PTPRD: variants seen among roughly 807,000 people sequenced by gnomAD.
The protein encoded by PTPRD is receptor-type tyrosine-protein phosphatase delta.
In PTPRD, 34 loss-of-function variants were observed where a neutral mutation model predicts 214.5. The observed-to-expected ratio is 0.16, with a 90% CI of 0.12 to 0.21. PTPRD has a LOEUF of 0.21. PTPRD is among the 10% of genes least tolerant of loss of function. The probability of loss-of-function intolerance (pLI) is 1.00; values close to 1 mark genes in which losing one functional copy is unlikely to be tolerated. For synonymous variants in PTPRD, 1,128 were observed against 845.7 expected, an observed-to-expected ratio of 1.33 and a Z score of -5.79; for missense variants, 2,545 against 2,398.7, an observed-to-expected ratio of 1.06 and a Z score of -1.27.
chr9:8,655,475 C>T (rs78836571), intron 12 of PTPRD, among the ~76,000 whole-genome samples: 3,403 of 152,216 alleles, frequency 0.022, 111 homozygotes, highest in African/African-American at 0.077. Context: ...AAAGCATTTT[C>T]TGGAAATAGT....
At position 8,376,618 on chromosome 9, in the gene PTPRD, C is replaced by T. The variant is rs147772738; in HGVS notation, c.4495G>A (p.Ala1499Thr). Residue 1499 changes from alanine (A) to threonine (T), a missense_variant, in exon 38 of 46, where the codon GCA becomes ACA. Coordinates refer to ENST00000381196, the MANE Select transcript of PTPRD (RefSeq NM_002839.4). ...ELATYCVRTF[A>T]LYKNGSSEKR... Reference sequence around the variant, plus strand: ...GATGAAAAGCAAACCTTGTAAAGTGCAAATGTTCGAACACAATATGTGGCC... The same window carrying T: ...GATGAAAAGCAAACCTTGTAAAGTGTAAATGTTCGAACACAATATGTGGCC... The T allele has an allele frequency of 2.5e-5, 41 of 1,612,712 alleles. No homozygotes were observed. The highest frequency in any genetic ancestry group is 3.0e-5 in the Non-Finnish European group (35 of 1,179,186).
At chr9:9,164,496 A>T (rs1205319856) in intron 10 of PTPRD, among the ~76,000 whole-genome samples, 2 of 152,172 alleles carry the variant, frequency 1.3e-5, no homozygotes, top group Admixed American at 6.6e-5. Flanking sequence ...AGAAGCTAAC[A>T]TATTGACAGG....
chr9:10,150,274 A>C (rs140442954), intron 3 of PTPRD, among the ~76,000 whole-genome samples: 6 of 152,216 alleles, frequency 3.9e-5, no homozygotes, highest in African/African-American at 1.4e-4. Context: ...ATGTCCATCA[A>C]TGATAGACTG....
chr9:9,079,829 T>C (rs915347544), intron 10 of PTPRD, among the ~76,000 whole-genome samples: 1 of 151,974 alleles, frequency 6.6e-6, no homozygotes, highest in Non-Finnish European at 1.5e-5. Context: ...ATGACAAAGG[T>C]AGATTAAGGA....
At chr9:8,496,457 G>A (rs1026952894) in intron 26 of PTPRD, among the ~76,000 whole-genome samples, 5 of 152,134 alleles carry the variant, frequency 3.3e-5, no homozygotes, top group Non-Finnish European at 5.9e-5. Flanking sequence ...ACACTAGAAA[G>A]GCAGGTGTCA....
At chr9:9,348,381 C>G (rs116454295) in intron 9 of PTPRD, among the ~76,000 whole-genome samples, 2 of 152,104 alleles carry the variant, frequency 1.3e-5, no homozygotes, top group Non-Finnish European at 1.5e-5. Flanking sequence ...TAAATGCCTA[C>G]GCATTTATCT....
chr9:10,419,452 A>G (rs569629922), intron 2 of PTPRD, among the ~76,000 whole-genome samples: 103 of 152,018 alleles, frequency 6.8e-4, no homozygotes, highest in African/African-American at 2.4e-3. Flanking sequence ...TATAAACATT[A>G]AATGAAAATA....
At chr9:8,682,084 G>A (rs1314322375) in intron 12 of PTPRD, among the ~76,000 whole-genome samples, 2 of 152,170 alleles carry the variant, frequency 1.3e-5, no homozygotes, top group East Asian at 1.9e-4. Context: ...AAAATTCAAT[G>A]AGACAGCAAA....
intron 33 of PTPRD, among the ~76,000 whole-genome samples, chr9:8,452,121 G>C (rs1327095900): frequency 6.6e-6 from 1 of 152,210 alleles, no homozygotes; most frequent in Admixed American, 6.5e-5. Flanking sequence ...GAGGGATGTA[G>C]TGACATTTAA....
rs181089059 is a variant in PTPRD at position 10,533,768 on chromosome 9, A to C, written c.-600+78630T>G. Reference sequence around the variant, plus strand: ...CTAGTAAGAATATAATAATAAATTAAAAACTTTTCACTATTATCTATGTTT... The same window carrying C: ...CTAGTAAGAATATAATAATAAATTACAAACTTTTCACTATTATCTATGTTT... On this transcript the variant is annotated intron_variant, in intron 2 of 45. Coordinates refer to ENST00000381196, the MANE Select transcript of PTPRD (RefSeq NM_002839.4). Among the ~76,000 whole-genome samples, 289 of 151,998 alleles carry C rather than the reference A, an allele frequency of 1.9e-3. 2 individuals carry two copies. Among genetic ancestry groups the C allele is most frequent in the African/African-American group, 6.8e-3 (281 of 41,542 alleles).
intron 2 of PTPRD, among the ~76,000 whole-genome samples, chr9:10,562,329 CTTT>C (rs199672347): frequency 1.4e-5 from 2 of 144,930 alleles, no homozygotes; most frequent in African/African-American, 2.5e-5. Context: ...TGTTCGTTAA[CTTT>C]TTTTTTTTTT....
chr9:9,888,892 A>T (rs1002154312), intron 5 of PTPRD, among the ~76,000 whole-genome samples: 2 of 152,156 alleles, frequency 1.3e-5, no homozygotes, highest in African/African-American at 2.4e-5. Context: ...CACCTATTGC[A>T]GTACCTCTTT....
chr9:8,657,562 G>A (rs1251038017), intron 12 of PTPRD, among the ~76,000 whole-genome samples: 1 of 152,116 alleles, frequency 6.6e-6, no homozygotes, highest in Non-Finnish European at 1.5e-5. Context: ...TGAATACGTT[G>A]AAAAAATTTT....
chr9:9,282,651 T>C (rs1224630882), intron 9 of PTPRD, among the ~76,000 whole-genome samples: 1 of 151,448 alleles, frequency 6.6e-6, no homozygotes, highest in Non-Finnish European at 1.5e-5. Context: ...CCACTGATTT[T>C]AGCATTTTGA....
intron 7 of PTPRD, among the ~76,000 whole-genome samples, chr9:9,696,816 T>C (rs2097383935): frequency 6.6e-6 from 1 of 152,132 alleles, no homozygotes; most frequent in Non-Finnish European, 1.5e-5. Context: ...TTATTATTGA[T>C]AGGTAAAGAT....
At chr9:9,276,618 G>A (rs1382765190) in intron 9 of PTPRD, among the ~76,000 whole-genome samples, 1 of 151,274 alleles carries the variant, frequency 6.6e-6, no homozygotes, top group African/African-American at 2.4e-5. Flanking sequence ...CAATTTACTT[G>A]GATCTCAGCT....
At chr9:9,049,149 A>C (rs1441051111) in intron 10 of PTPRD, among the ~76,000 whole-genome samples, 1 of 152,172 alleles carries the variant, frequency 6.6e-6, no homozygotes, top group Non-Finnish European at 1.5e-5. Context: ...TGTAAAACCT[A>C]AGGTCTAGCA....
intron 7 of PTPRD, among the ~76,000 whole-genome samples, chr9:9,648,924 A>G (rs765763731): frequency 8.5e-5 from 13 of 152,154 alleles, no homozygotes; most frequent in Non-Finnish European, 1.0e-4. Context: ...ATAGATAACA[A>G]CAGTGAAGGC....
At chr9:9,106,846 T>C (rs563600387) in intron 10 of PTPRD, among the ~76,000 whole-genome samples, 4 of 152,258 alleles carry the variant, frequency 2.6e-5, no homozygotes, top group African/African-American at 4.8e-5. Context: ...CTATCTCTTA[T>C]TATCCTTGAA....
Sources: allele counts gnomAD v4.1 joint callset (sites outside exome capture counted in the v4.1 genomes callset), GRCh38; gene constraint gnomAD v4.1.1; transcripts MANE v1.5; gene names NCBI Gene and HGNC (gene_info 2026-07-23, HGNC 2026-07-21).